A4GALT: variants seen among roughly 807,000 people sequenced by gnomAD.
A4GALT encodes the protein alpha 1,4-galactosyltransferase (P1PK blood group).
For missense variants in A4GALT, 512 were observed against 486.0 expected, an observed-to-expected ratio of 1.05 and a Z score of -0.50; for synonymous variants, 257 against 220.7, an observed-to-expected ratio of 1.16 and a Z score of -1.46.
At chr22:42,696,744 C>T (rs1410462976) in intron 1 of A4GALT, among the ~76,000 whole-genome samples, 2 of 151,930 alleles carry the variant, frequency 1.3e-5, no homozygotes. Context: ...ACATGAGGCC[C>T]TGATCCACTG....
chr22:42,696,154 C>G (rs1930916846), intron 1 of A4GALT, among the ~76,000 whole-genome samples: 1 of 134,316 alleles, frequency 7.4e-6, no homozygotes, highest in Admixed American at 7.8e-5. Flanking sequence ...GGCGCGGTAG[C>G]TCACGCCTGT....
intron 1 of A4GALT, among the ~76,000 whole-genome samples, chr22:42,720,573 C>T (rs910721228): frequency 2.0e-5 from 3 of 152,100 alleles, no homozygotes; most frequent in African/African-American, 7.2e-5. Flanking sequence ...CCCGCCGCCG[C>T]GCTCCACTTC....
At chr22:42,697,568 C>G (rs1257931693) in intron 1 of A4GALT, among the ~76,000 whole-genome samples, 1 of 152,046 alleles carries the variant, frequency 6.6e-6, no homozygotes, top group Non-Finnish European at 1.5e-5. Flanking sequence ...CTTGGAGGAG[C>G]AGGATATGTC....
chr22:42,704,252 G>A (rs1269339096), intron 1 of A4GALT, among the ~76,000 whole-genome samples: 2 of 152,188 alleles, frequency 1.3e-5, no homozygotes, highest in African/African-American at 2.4e-5. Flanking sequence ...GGAGGCCAAG[G>A]TGGGCAAATC....
intron 1 of A4GALT, among the ~76,000 whole-genome samples, chr22:42,713,445 C>G (rs1921866531): frequency 6.6e-6 from 1 of 152,182 alleles, no homozygotes. Flanking sequence ...GGAATATGTA[C>G]AACAGGGAAG....
intron 1 of A4GALT, among the ~76,000 whole-genome samples, chr22:42,706,454 C>A (rs1018190716): frequency 1.3e-5 from 2 of 150,516 alleles, no homozygotes; most frequent in Non-Finnish European, 3.0e-5. Context: ...TATCTCTATT[C>A]TCTATTCAAG....
intron 1 of A4GALT, among the ~76,000 whole-genome samples, chr22:42,711,100 T>G (rs1921652635): frequency 6.7e-6 from 1 of 150,200 alleles, no homozygotes; most frequent in Non-Finnish European, 1.5e-5. Flanking sequence ...TTTTCTAATA[T>G]ATAAAGAGCT....
chr22:42,696,845 A>T (rs130396), intron 1 of A4GALT, among the ~76,000 whole-genome samples: 13 of 150,312 alleles, frequency 8.6e-5, no homozygotes, highest in African/African-American at 3.2e-4. Context: ...TCAGGCCTCA[A>T]ACGGCTGCTA....
chr22:42,719,311 G>A (rs1922474561), intron 1 of A4GALT, among the ~76,000 whole-genome samples: 1 of 152,172 alleles, frequency 6.6e-6, no homozygotes, highest in African/African-American at 2.4e-5. Context: ...AAAAACTAAT[G>A]ACAACATTGG....
At chr22:42,714,227 C>G (rs1487150277) in intron 1 of A4GALT, among the ~76,000 whole-genome samples, 1 of 132,992 alleles carries the variant, frequency 7.5e-6, no homozygotes. Flanking sequence ...GTGAGCTATG[C>G]TCATACCACC....
At position 42,713,577 on chromosome 22, in the gene A4GALT, C is replaced by T. The variant is rs868550012; in HGVS notation, c.-188+7220G>A. On this transcript the variant is annotated intron_variant, in intron 1 of 2. Transcript: ENST00000642412. ...CTGTAATCACAGCACTTTGGGAGGC[C>T]GAGGCGGGTGGATCACCTGAGGTTA... Among the ~76,000 whole-genome samples, 25 of 147,726 alleles carry T rather than the reference C, an allele frequency of 1.7e-4. No individual in the cohort carries two copies. The East Asian group carries it at 4.6e-3, about 27-fold the overall frequency.
intron 1 of A4GALT, among the ~76,000 whole-genome samples, chr22:42,710,540 T>C (rs1306037503): frequency 6.6e-6 from 1 of 151,418 alleles, no homozygotes; most frequent in African/African-American, 2.4e-5. Flanking sequence ...CACAAAAAAT[T>C]ACAAAAATTA....
At position 42,693,207 on chromosome 22, in the gene A4GALT, G is replaced by A; in HGVS notation, c.745C>T (p.Gln249Ter). Residue 249 changes from glutamine to a stop codon, truncating the protein, a stop_gained, in exon 3 of 3, where the codon CAG (glutamine) becomes TAG (stop). Coordinates refer to ENST00000642412, the MANE Select transcript of A4GALT (RefSeq NM_017436.7). LOFTEE classifies it low-confidence loss of function (END_TRUNC). ...DHYNGWIWGHQGPQLLTRVFK... is the reference protein window; with the variant it reads ...DHYNGWIWGH ...ACCCGCGTGAGCAGCTGCGGGCCCTGGTGACCCCAGATCCAGCCGTTGTAG... is the reference window on the plus strand; with the variant it reads ...ACCCGCGTGAGCAGCTGCGGGCCCTAGTGACCCCAGATCCAGCCGTTGTAG... 4.4e-6 allele frequency: 7 copies of A among 1,604,564 alleles called. No homozygotes were observed. Among genetic ancestry groups the A allele is most frequent in the Non-Finnish European group, 5.1e-6 (6 of 1,176,348 alleles).
At chr22:42,695,983 CGCG>C (rs1930895725) in intron 1 of A4GALT, among the ~76,000 whole-genome samples, 1 of 151,824 alleles carries the variant, frequency 6.6e-6, no homozygotes, top group African/African-American at 2.4e-5. Context: ...ATTAGCCAGG[CGCG>C]GTGGTGTGCG....
At chr22:42,714,775 A>G (rs1001940423) in intron 1 of A4GALT, among the ~76,000 whole-genome samples, 1 of 152,134 alleles carries the variant, frequency 6.6e-6, no homozygotes, top group Admixed American at 6.6e-5. Context: ...AGAGAAAAAG[A>G]AAAGAAATAA....
At position 42,693,714 on chromosome 22, in the gene A4GALT, A is replaced by T. The variant is rs769260218; in HGVS notation, c.238T>A (p.Phe80Ile). The change falls in exon 3 of 3, where the codon TTC becomes ATC. Residue 80 changes from phenylalanine to isoleucine, a missense_variant. Phe to Ile is a conservative substitution (Grantham distance 21). Coordinates refer to ENST00000642412, the MANE Select transcript of A4GALT (RefSeq NM_017436.7). ...PSHGPTPGNI[F>I]FLETSDRTNP... is the part of the protein sequence containing the mutation. ...GTCCGGTCTGAAGTCTCCAGGAAGA[A>T]GATGTTGCCTGGAGTGGGGCCGTGG... is the stretch of plus-strand genomic sequence containing the variant. 27 of 1,169,074 alleles carry T rather than the reference A, an allele frequency of 2.3e-5. No homozygotes were observed. The highest frequency in any genetic ancestry group is 2.7e-5 in the Non-Finnish European group (23 of 860,392). 72.4% of individuals were successfully genotyped at this position (1,169,074 alleles called of 1,614,324 possible).
Position 42,706,172 on chromosome 22 carries a change from G to A in A4GALT, c.-187-10541C>T, listed in dbSNP as rs371795011. Among the ~76,000 whole-genome samples, 105 of 129,092 alleles carry A rather than the reference G, an allele frequency of 8.1e-4. 19 individuals are homozygous for A. Among genetic ancestry groups the A allele is most frequent in the Admixed American group, 2.7e-3 (34 of 12,588 alleles). The allele number at this position is 129,092 out of a possible 152,430, so 84.7% of individuals were successfully genotyped here. On this transcript the variant is annotated intron_variant, in intron 1 of 2. Coordinates refer to ENST00000642412, the MANE Select transcript of A4GALT (RefSeq NM_017436.7). Reference sequence around the variant, plus strand: ...AGATCGAGACCATCCTGGCTAACACGGTGAAACCCCGTCTCTACTAAAAAT... The same window carrying A: ...AGATCGAGACCATCCTGGCTAACACAGTGAAACCCCGTCTCTACTAAAAAT...
At chr22:42,694,420 C>G (rs1290672425) in intron 2 of A4GALT, 4 of 196,694 alleles carry the variant, frequency 2.0e-5, no homozygotes, top group East Asian at 2.3e-4. Context: ...CTCCATAAAC[C>G]AGGCCTGGGG....
chr22:42,692,622 T>G lies in A4GALT; in HGVS notation c.*268A>C. ...CTGGGGGTGCCCTGAGGTTCATCCT[T>G]CCTGCCTGTTGTCTAGAAGGCCCGG... On this transcript the variant is annotated 3_prime_UTR_variant, in exon 3 of 3. Coordinates refer to ENST00000642412, the MANE Select transcript of A4GALT (RefSeq NM_017436.7). This position sits in a 1 kb window ranked among gnomAD's most constrained non-coding sequence, Gnocchi z 4.6. The G allele has an allele frequency of 1.6e-6, 1 of 613,204 alleles. No individual in the cohort carries two copies. Among genetic ancestry groups the G allele is most frequent in the Non-Finnish European group, 3.1e-6 (1 of 327,600 alleles). The allele number at this position is 613,204 out of a possible 1,614,324, so 38.0% of individuals were successfully genotyped here. A position where few individuals can be genotyped will look rare whatever the true frequency, so the allele number is the denominator to read the frequency against.
Sources: allele counts gnomAD v4.1 joint callset (sites outside exome capture counted in the v4.1 genomes callset), GRCh38; gene constraint gnomAD v4.1.1; non-coding constraint Gnocchi (gnomAD v3.1); transcripts MANE v1.5; gene names NCBI Gene and HGNC (gene_info 2026-07-23, HGNC 2026-07-21).